Variants in CNTN5 observed in about 807,000 individuals in gnomAD.
CNTN5 encodes the protein contactin 5.
Under a neutral mutation model 129.1 loss-of-function variants are expected in CNTN5, and 77 were observed. That is an observed-to-expected ratio of 0.60 (90% CI 0.50 to 0.72). The LOEUF is 0.72. CNTN5 is among the 30% of genes least tolerant of loss of function. CNTN5 has a pLI of 0.00. For missense variants in CNTN5, 1,478 were observed against 1,328.8 expected, an observed-to-expected ratio of 1.11 and a Z score of -1.75; for synonymous variants, 509 against 465.6, an observed-to-expected ratio of 1.09 and a Z score of -1.20.
rs555255391 is a variant in CNTN5 at position 100,275,416 on chromosome 11, T to C, written c.2314+4175T>C. The stretch of plus-strand genomic sequence containing the variant: ...TGCTCACATATTTTCTAAAAAGCGC[T>C]GCCTTACTTTGCATATTGTTAATTG... On this transcript the variant is annotated intron_variant, in intron 18 of 24. Coordinates refer to ENST00000524871, the MANE Select transcript of CNTN5 (RefSeq NM_014361.4). 3.3e-5 allele frequency among the ~76,000 whole-genome samples: 5 copies of C among 152,336 alleles called. No homozygotes were observed. The South Asian group carries it at 6.2e-4, about 19-fold the overall frequency.
At chr11:100,251,833 G>A (rs955806888) in intron 16 of CNTN5, among the ~76,000 whole-genome samples, 2 of 151,994 alleles carry the variant, frequency 1.3e-5, no homozygotes, top group African/African-American at 4.8e-5. Context: ...TGGACTCCTA[G>A]GTTGATTCCA....
intron 13 of CNTN5, among the ~76,000 whole-genome samples, chr11:100,126,956 G>A (rs1946201744): frequency 6.6e-6 from 1 of 151,896 alleles, no homozygotes; most frequent in Admixed American, 6.6e-5. Context: ...GTCCCGTTCT[G>A]ACACCCAGGA....
chr11:99,143,452 A>G (rs939892782), intron 1 of CNTN5, among the ~76,000 whole-genome samples: 12 of 150,562 alleles, frequency 8.0e-5, no homozygotes, highest in Admixed American at 2.0e-4. Context: ...CAGATCAACA[A>G]ATTGACTGAA....
intron 1 of CNTN5, among the ~76,000 whole-genome samples, chr11:99,292,935 C>A (rs1864231663): frequency 6.6e-6 from 1 of 152,128 alleles, no homozygotes; most frequent in Non-Finnish European, 1.5e-5. Context: ...ATGTATAAGG[C>A]TGGCTGCAAA....
chr11:100,064,046 T>C (rs1161529289), intron 10 of CNTN5, among the ~76,000 whole-genome samples: 5 of 152,134 alleles, frequency 3.3e-5, no homozygotes, highest in Non-Finnish European at 7.4e-5. Context: ...TAGATATGGA[T>C]AGCATGATGA....
chr11:99,997,808 T>A (rs1476867904), intron 8 of CNTN5, among the ~76,000 whole-genome samples: 3 of 152,092 alleles, frequency 2.0e-5, no homozygotes, highest in South Asian at 2.1e-4. Context: ...TTATCCACCA[T>A]GATCAAGTGG....
At chr11:99,615,254 G>C (rs1950724035) in intron 3 of CNTN5, among the ~76,000 whole-genome samples, 1 of 151,874 alleles carries the variant, frequency 6.6e-6, no homozygotes, top group Non-Finnish European at 1.5e-5. Context: ...TGCTTCATTT[G>C]TTATTGGGCT....
chr11:99,587,399 A>C (rs1192334140), intron 3 of CNTN5, among the ~76,000 whole-genome samples: 1 of 152,210 alleles, frequency 6.6e-6, no homozygotes, highest in African/African-American at 2.4e-5. Context: ...GTCTCCCATA[A>C]AGGAGCGACA....
rs964777774 is a variant in CNTN5, at chr11:99,565,948, T to C, written c.55+9679T>C. 7.2e-5 allele frequency among the ~76,000 whole-genome samples: 11 copies of C among 152,330 alleles called. No individual in the cohort carries two copies. In the East Asian group the frequency reaches 1.7e-3, roughly 24 times the overall value. ...ACAGAGTGGTATAAACAATTAATAATAATAGTGATATCATTGCTTTCAATA... is the reference window on the plus strand; with the variant it reads ...ACAGAGTGGTATAAACAATTAATAACAATAGTGATATCATTGCTTTCAATA... On this transcript the variant is annotated intron_variant, in intron 3 of 24. Transcript: ENST00000524871.
chr11:100,008,325 C>G (rs1394269450), intron 9 of CNTN5, among the ~76,000 whole-genome samples: 1 of 151,968 alleles, frequency 6.6e-6, no homozygotes, highest in Non-Finnish European at 1.5e-5. Flanking sequence ...CTGCAAAACA[C>G]AATAAAGTGA....
intron 3 of CNTN5, among the ~76,000 whole-genome samples, chr11:99,689,698 T>C (rs1423575404): frequency 2.6e-5 from 4 of 152,088 alleles, no homozygotes; most frequent in Admixed American, 1.3e-4. Flanking sequence ...GGGCTTTTTT[T>C]CATATATTTC....
At chr11:99,153,261 T>C (rs534690407) in intron 1 of CNTN5, among the ~76,000 whole-genome samples, 1 of 152,184 alleles carries the variant, frequency 6.6e-6, no homozygotes, top group African/African-American at 2.4e-5. Flanking sequence ...GCTTTCTTTC[T>C]TCTTTCAGTG....
Position 100,016,142 on chromosome 11 carries a change from A to C in CNTN5, c.980+14006A>C, listed in dbSNP as rs578095892. On this transcript the variant is annotated intron_variant, in intron 9 of 24. Coordinates refer to ENST00000524871, the MANE Select transcript of CNTN5 (RefSeq NM_014361.4). ...ATGTTCTCACCAAATAAGTAATCAG[A>C]GACAAAAGTCTATGTTTACCTTTGG... is the stretch of plus-strand genomic sequence containing the variant. Among the ~76,000 whole-genome samples, 19 of 152,204 alleles carry C rather than the reference A, an allele frequency of 1.2e-4. 1 individual carries two copies. The South Asian group carries it at 2.5e-3, about 20-fold the overall frequency.
At chr11:99,638,998 A>G (rs938063909) in intron 3 of CNTN5, among the ~76,000 whole-genome samples, 2 of 152,278 alleles carry the variant, frequency 1.3e-5, no homozygotes, top group South Asian at 2.1e-4. Context: ...ACTGCCCTAG[A>G]AGAGATTCTC....
intron 23 of CNTN5, among the ~76,000 whole-genome samples, chr11:100,347,840 C>T (rs1246981406): frequency 1.3e-5 from 2 of 152,030 alleles, no homozygotes; most frequent in African/African-American, 4.8e-5. Context: ...GAGGAATAGG[C>T]CTTTCCTTTA....
At chr11:100,165,457 C>CCAA (rs1555026917) in intron 13 of CNTN5, among the ~76,000 whole-genome samples, 4 of 151,268 alleles carry the variant, frequency 2.6e-5, no homozygotes, top group African/African-American at 9.7e-5. Flanking sequence ...TGAAAAGTGA[C>CCAA]TAATGTATCA....
intron 2 of CNTN5, among the ~76,000 whole-genome samples, chr11:99,486,866 T>C (rs567928678): frequency 6.6e-6 from 1 of 152,262 alleles, no homozygotes; most frequent in East Asian, 1.9e-4. Context: ...CAAAAGAGAT[T>C]AGAAAAATTT....
chr11:99,709,324 G>C (rs985394679), intron 3 of CNTN5, among the ~76,000 whole-genome samples: 1 of 151,708 alleles, frequency 6.6e-6, no homozygotes, highest in South Asian at 2.1e-4. Flanking sequence ...TAAGTTAAAA[G>C]AATTGAACAA....
At chr11:100,037,793 A>T (rs1081352) in intron 9 of CNTN5, among the ~76,000 whole-genome samples, 50,848 of 151,518 alleles carry the variant, frequency 0.34, 8,893 homozygotes, top group East Asian at 0.48. Context: ...TAGTTTGTAT[A>T]TCTGTGGGAT....
Sources: gnomAD v4.1 joint callset for allele counts (sites outside exome capture counted in the v4.1 genomes callset) on GRCh38, gnomAD v4.1.1 for gene constraint, MANE v1.5 for transcripts, NCBI Gene and HGNC (gene_info 2026-07-23, HGNC 2026-07-21) for gene names.